The following SLC19A1 variants were observed in gnomAD, a reference collection of about 807,000 sequenced individuals.
SLC19A1 encodes solute carrier family 19 member 1.
Under a neutral mutation model 35.3 loss-of-function variants are expected in SLC19A1, and 37 were observed. The observed-to-expected ratio is 1.05, with a 90% CI of 0.81 to 1.38. The LOEUF is 1.38. Ranked by LOEUF, SLC19A1 falls within the 40% of genes most tolerant of loss-of-function variation. The pLI is 0.00. For synonymous variants in SLC19A1, 460 were observed against 398.5 expected, an observed-to-expected ratio of 1.15 and a Z score of -1.84; for missense variants, 831 against 826.9, an observed-to-expected ratio of 1.00 and a Z score of -0.06.
chr21:45,515,544 C>T lies in SLC19A1; in HGVS notation c.*114G>A, dbSNP rs2037866245. On this transcript the variant is annotated 3_prime_UTR_variant, in exon 6 of 6. Transcript: ENST00000311124. ...ACAGGGCAGGGGGAATCCTAGGGGG[C>T]CTGCTAGCAGGATAAGCGGAGGCCC... 1.3e-6 allele frequency: 2 copies of T among 1,543,266 alleles called. No homozygotes were observed. Among genetic ancestry groups the T allele is most frequent in the South Asian group, 2.5e-5 (2 of 80,334 alleles).
chr21:45,509,620 T>A, downstream of SLC19A1: 1 of 1,337,044 alleles, frequency 7.5e-7, no homozygotes, highest in Non-Finnish European at 1.0e-6. Context: ...CCCCCCAAAG[T>A]GGGCTTGGCT....
At chr21:45,510,153 C>G (rs754187633), downstream of SLC19A1, 26 of 1,598,722 alleles carry the variant, frequency 1.6e-5, no homozygotes, top group Non-Finnish European at 2.2e-5. Context: ...AGGCGCGGGC[C>G]GTGGGGCTGG....
At chr21:45,512,094 T>G (rs2037644946), downstream of SLC19A1, 12 of 1,380,564 alleles carry the variant, frequency 8.7e-6, no homozygotes, top group Non-Finnish European at 1.1e-5. Flanking sequence ...ACCCCAGGGC[T>G]GGCCTCCTGC....
chr21:45,524,889 C>T (rs143770331), intron 5 of SLC19A1, among the ~76,000 whole-genome samples: 2 of 151,610 alleles, frequency 1.3e-5, no homozygotes, highest in Admixed American at 6.6e-5. Flanking sequence ...GAGACTCACC[C>T]GCCCTGAGTG....
intron 5 of SLC19A1, among the ~76,000 whole-genome samples, chr21:45,524,057 G>A (rs1399168001): frequency 6.6e-6 from 1 of 152,060 alleles, no homozygotes; most frequent in East Asian, 1.9e-4. Flanking sequence ...AGACTCACCT[G>A]TCCTGAGCGT....
intron 5 of SLC19A1, among the ~76,000 whole-genome samples, chr21:45,523,584 C>G (rs1431526051): frequency 6.6e-6 from 1 of 152,240 alleles, no homozygotes; most frequent in Non-Finnish European, 1.5e-5. Flanking sequence ...AGGGCAGCTA[C>G]AGGGGAGCAC....
At chr21:45,550,596 A>G (rs373847402) in intron 1 of SLC19A1, among the ~76,000 whole-genome samples, 4 of 152,306 alleles carry the variant, frequency 2.6e-5, no homozygotes, top group East Asian at 1.9e-4. Context: ...CCAGCTCTCC[A>G]TTCACGGTTC....
chr21:45,561,665 A>G (rs1456786315), intron 1 of SLC19A1, among the ~76,000 whole-genome samples: 1 of 152,048 alleles, frequency 6.6e-6, no homozygotes, highest in Admixed American at 6.6e-5. Flanking sequence ...GGAGTTTGAG[A>G]CAAGAGAATT....
chr21:45,560,219 C>G (rs542246752), intron 1 of SLC19A1, among the ~76,000 whole-genome samples: 2 of 152,220 alleles, frequency 1.3e-5, no homozygotes, highest in Middle Eastern at 3.2e-3. Context: ...GGATCCACCC[C>G]CCAAGGACTC....
chr21:45,546,381 G>C (rs2078415799), upstream of SLC19A1, among the ~76,000 whole-genome samples: 1 of 152,364 alleles, frequency 6.6e-6, no homozygotes, highest in South Asian at 2.1e-4. Context: ...CTGGGCCTGT[G>C]CCTGCCACAC....
intron 2 of SLC19A1, 52 bp downstream of exon 2, chr21:45,537,719 T>TGGGGGGGCCCCCCCCC: frequency 3.1e-6 from 1 of 319,776 alleles, no homozygotes; most frequent in Non-Finnish European, 5.6e-6. Flanking sequence ...CAGACGCTGC[T>TGGGGGGGCCCCCCCCC]CCCCGCCCAC....
At chr21:45,543,129 C>T (rs1448718635), upstream of SLC19A1, among the ~76,000 whole-genome samples, 1 of 152,178 alleles carries the variant, frequency 6.6e-6, no homozygotes, top group African/African-American at 2.4e-5. Context: ...AGGGACAGCC[C>T]GGGGGAGACC....
At chr21:45,508,907 G>T (rs1054010706), downstream of SLC19A1, among the ~76,000 whole-genome samples, 1 of 152,146 alleles carries the variant, frequency 6.6e-6, no homozygotes, top group Non-Finnish European at 1.5e-5. Flanking sequence ...GTGGGGAAAG[G>T]TGCAGAATCA....
intron 5 of SLC19A1, among the ~76,000 whole-genome samples, chr21:45,520,273 AAAG>A: frequency 6.6e-6 from 1 of 152,262 alleles, no homozygotes; most frequent in Non-Finnish European, 1.5e-5. Flanking sequence ...AACCTAGAAA[AAAG>A]AAGAGCAAAA....
chr21:45,538,843 G>A (rs1037721039), intron 1 of SLC19A1, among the ~76,000 whole-genome samples: 7 of 152,148 alleles, frequency 4.6e-5, no homozygotes, highest in South Asian at 4.1e-4. Context: ...CTTCATCCAC[G>A]AGGCAACATG....
rs190026054 is a variant in SLC19A1 at position 45,525,871 on chromosome 21, G to T, written c.1239C>A (p.Ile413=). 1.9e-5 allele frequency: 30 copies of T among 1,613,646 alleles called. No homozygotes were observed. In the East Asian group the frequency reaches 5.3e-4, roughly 29 times the overall value. The change falls in exon 5 of 6, where the codon ATC becomes ATA. Residue 413 remains isoleucine (I), a synonymous_variant. Coordinates refer to ENST00000311124, the MANE Select transcript of SLC19A1 (RefSeq NM_194255.4). ...NTFFATIVKT[I]ITFIVSDVRG... ...GCACGTCCGAGACAATGAAAGTGATGATGGTCTTGACGATGGTGGCAAAGA... is the reference window on the plus strand; with the variant it reads ...GCACGTCCGAGACAATGAAAGTGATTATGGTCTTGACGATGGTGGCAAAGA...
chr21:45,507,526 C>T lies in SLC19A1; in HGVS notation c.498-8914G>A, dbSNP rs372807828. Reference sequence around the variant, plus strand: ...GAGGGCACCCTGGCTCAGGCCCAGCCGCAGGTCCTGGGTGACCCTGCTGCT... The same window carrying T: ...GAGGGCACCCTGGCTCAGGCCCAGCTGCAGGTCCTGGGTGACCCTGCTGCT... On this transcript the variant is annotated intron_variant, in intron 3 of 4. Coordinates refer to the SLC19A1 transcript ENST00000417954. 3,590 of 1,607,752 alleles carry T rather than the reference C, an allele frequency of 2.2e-3. 9 individuals carry two copies. Among genetic ancestry groups the T allele is most frequent in the Non-Finnish European group, 2.9e-3 (3,401 of 1,177,136 alleles).
At position 45,504,462 on chromosome 21, in the gene SLC19A1, G is replaced by A. The variant is rs770239817; in HGVS notation, c.498-5850C>T. On this transcript the variant is annotated intron_variant, in intron 3 of 4. Transcript: ENST00000417954. Reference sequence around the variant, plus strand: ...GATGCAGGACAGAAAGGCGAAAGGGGGGAGCCCGGGGGCGGCGGTTTCTTC... The same window carrying A: ...GATGCAGGACAGAAAGGCGAAAGGGAGGAGCCCGGGGGCGGCGGTTTCTTC... The A allele has an allele frequency of 1.2e-6, 2 of 1,610,714 alleles. No homozygotes were observed. The highest frequency in any genetic ancestry group is 1.7e-6 in the Non-Finnish European group (2 of 1,178,956).
chr21:45,556,920 G>C (rs9983073), intron 1 of SLC19A1, among the ~76,000 whole-genome samples: 56,660 of 151,448 alleles, frequency 0.37, 11,047 homozygotes, highest in African/African-American at 0.49. Context: ...TGTCACCTGG[G>C]ACGGCACCTC....
Sources: allele counts gnomAD v4.1 joint callset (sites outside exome capture counted in the v4.1 genomes callset), GRCh38; gene constraint gnomAD v4.1.1; transcripts MANE v1.5; gene names NCBI Gene and HGNC (gene_info 2026-07-23, HGNC 2026-07-21).